Variants in CENPW observed in about 807,000 individuals in gnomAD.
The protein encoded by CENPW is centromere protein W, also known as cancer-up-regulated gene 2 protein.
CENPW carries 3 observed loss-of-function variants against 11.1 expected under a neutral mutation model. The ratio of observed to expected loss-of-function variants is 0.27; its 90% CI spans 0.12 to 0.70. The LOEUF (loss-of-function observed/expected upper bound fraction) is 0.70, where lower values mean the gene tolerates loss of function less well. Ranked by LOEUF, CENPW falls within the 30% of genes least tolerant of loss-of-function variation. The pLI is 0.77. For synonymous variants in CENPW, 38 were observed against 42.0 expected (o/e 0.91, Z 0.37); for missense variants, 100 against 105.6 (o/e 0.95, Z 0.23).
At chr6:126,458,511 T>C in the CENPW span, among the ~76,000 whole-genome samples, 2 of 151,398 alleles carry the variant, frequency 1.3e-5, no homozygotes, top group African/African-American at 2.4e-5. Flanking sequence ...TTAGCATCGA[T>C]GCTTTTTCTA....
the CENPW span, among the ~76,000 whole-genome samples, chr6:126,462,393 T>C: frequency 2.0e-5 from 3 of 151,966 alleles, no homozygotes; most frequent in Admixed American, 2.0e-4. Flanking sequence ...TTAGATTCTT[T>C]AGAAAATTTA....
chr6:126,341,992 C>T (rs1229177929), intron 1 of CENPW, among the ~76,000 whole-genome samples: 1 of 152,162 alleles, frequency 6.6e-6, no homozygotes, highest in Non-Finnish European at 1.5e-5. Flanking sequence ...TGGTCAGTAG[C>T]TTTTCCCAGG....
the CENPW span, among the ~76,000 whole-genome samples, chr6:126,376,856 TG>T: frequency 2.6e-5 from 4 of 152,140 alleles, no homozygotes; most frequent in Non-Finnish European, 4.4e-5. Context: ...CTTGTGCTGA[TG>T]GGGGCACCCT....
chr6:126,356,807 G>A, the CENPW span, among the ~76,000 whole-genome samples: 1 of 152,172 alleles, frequency 6.6e-6, no homozygotes, highest in Admixed American at 6.5e-5. Context: ...GTTGGTTTAA[G>A]TTCTTTATAG....
At chr6:126,361,221 A>G in the CENPW span, among the ~76,000 whole-genome samples, 10 of 152,350 alleles carry the variant, frequency 6.6e-5, no homozygotes, top group Non-Finnish European at 1.3e-4. Context: ...TATCCAGTAG[A>G]TGGCGCTTAA....
chr6:126,410,130 A>AT, the CENPW span, among the ~76,000 whole-genome samples: 1 of 152,046 alleles, frequency 6.6e-6, no homozygotes, highest in African/African-American at 2.4e-5. Context: ...TAATTATCAT[A>AT]TTTTTTATTT....
At chr6:126,432,934 A>G in the CENPW span, among the ~76,000 whole-genome samples, 1 of 152,140 alleles carries the variant, frequency 6.6e-6, no homozygotes, top group Non-Finnish European at 1.5e-5. Context: ...TGGCCTTCTT[A>G]TGAAAACTTA....
the CENPW span, among the ~76,000 whole-genome samples, chr6:126,406,458 T>C: frequency 6.6e-6 from 1 of 152,190 alleles, no homozygotes; most frequent in Non-Finnish European, 1.5e-5. Flanking sequence ...AATTTGGTTT[T>C]ACTATCAGAG....
chr6:126,360,289 T>C, the CENPW span, among the ~76,000 whole-genome samples: 1 of 152,108 alleles, frequency 6.6e-6, no homozygotes, highest in Non-Finnish European at 1.5e-5. Flanking sequence ...TGCTGAGAGT[T>C]CCACTGCTAG....
At chr6:126,463,301 G>T in the CENPW span, among the ~76,000 whole-genome samples, 5 of 151,938 alleles carry the variant, frequency 3.3e-5, no homozygotes, top group Admixed American at 6.6e-5. Flanking sequence ...AAAAATATAA[G>T]TATCTTTTTA....
the CENPW span, among the ~76,000 whole-genome samples, chr6:126,369,679 T>C: frequency 1.3e-5 from 2 of 152,168 alleles, no homozygotes; most frequent in Non-Finnish European, 2.9e-5. Context: ...TGGATATTAG[T>C]TCTTTGTCAG....
chr6:126,359,816 G>C, the CENPW span, among the ~76,000 whole-genome samples: 1 of 149,936 alleles, frequency 6.7e-6, no homozygotes, highest in African/African-American at 2.5e-5. Context: ...TTTTGAGCCT[G>C]TGGGTGTTGT....
chr6:126,396,143 C>T, the CENPW span, among the ~76,000 whole-genome samples: 1 of 152,114 alleles, frequency 6.6e-6, no homozygotes, highest in Non-Finnish European at 1.5e-5. Flanking sequence ...CCCCCAGGCC[C>T]TGAGTGTGTC....
At chr6:126,419,651 G>A in the CENPW span, among the ~76,000 whole-genome samples, 5 of 144,134 alleles carry the variant, frequency 3.5e-5, no homozygotes, top group Non-Finnish European at 6.1e-5. Context: ...GTCCGAAATT[G>A]GTTTCACTGG....
the CENPW span, among the ~76,000 whole-genome samples, chr6:126,440,168 AAG>A: frequency 6.6e-6 from 1 of 151,638 alleles, no homozygotes; most frequent in African/African-American, 2.4e-5. Flanking sequence ...AAGAAGGAAG[AAG>A]AGTTTTAAAG....
the CENPW span, among the ~76,000 whole-genome samples, chr6:126,451,751 C>T: frequency 6.6e-6 from 1 of 150,988 alleles, no homozygotes; most frequent in South Asian, 2.1e-4. Context: ...TGGGTTCAGT[C>T]ACACAAGTGT....
the CENPW span, among the ~76,000 whole-genome samples, chr6:126,435,316 G>A: frequency 6.6e-5 from 10 of 151,626 alleles, no homozygotes; most frequent in South Asian, 2.1e-4. Context: ...TATGAAAAAC[G>A]GCAGGTACAT....
At chr6:126,377,168 TG>T in the CENPW span, among the ~76,000 whole-genome samples, 6 of 152,302 alleles carry the variant, frequency 3.9e-5, no homozygotes, top group Non-Finnish European at 8.8e-5. Flanking sequence ...CTAGTCACAC[TG>T]GGTATCAAAT....
At chr6:126,403,191 C>T in the CENPW span, among the ~76,000 whole-genome samples, 1 of 152,004 alleles carries the variant, frequency 6.6e-6, no homozygotes, top group Non-Finnish European at 1.5e-5. Context: ...CTCCTTATTC[C>T]CTGAGACATA....
Sources: allele counts gnomAD v4.1 joint callset (sites outside exome capture counted in the v4.1 genomes callset), GRCh38; gene constraint gnomAD v4.1.1; transcripts MANE v1.5; gene names NCBI Gene and HGNC (gene_info 2026-07-23, HGNC 2026-07-21).